The following NF1 variants were observed in gnomAD, a reference collection of about 807,000 sequenced individuals.
NF1 encodes neurofibromin 1, also known as neurofibromin.
In NF1, 122 loss-of-function variants were observed where a neutral mutation model predicts 325.7. The observed-to-expected ratio is 0.37, with a 90% CI of 0.32 to 0.44. The LOEUF (loss-of-function observed/expected upper bound fraction) is 0.44. Among genes scored for constraint, NF1 ranks in the 20% least tolerant of loss-of-function variants. The probability of loss-of-function intolerance (pLI) is 1.00; values close to 1 mark genes in which losing one functional copy is unlikely to be tolerated. For missense variants in NF1, 2,140 were observed against 3,415.4 expected (o/e 0.63, Z 9.31); for synonymous variants, 1,091 against 1,186.0 (o/e 0.92, Z 1.65).
chr17:31,318,518 G>A (rs1401966776), intron 36 of NF1: 1 of 1,613,946 alleles, frequency 6.2e-7, no homozygotes. Context: ...GATCGTCTGA[G>A]AGAAGAGACT....
In NF1 at chr17:31,226,492, C is replaced by T. The variant is rs1597712422; in HGVS notation, c.2059C>T (p.Leu687=). Residue 687 remains leucine, a synonymous_variant, in exon 18 of 58, where the codon CTA becomes TTA. Coordinates refer to ENST00000358273, the MANE Select transcript of NF1 (RefSeq NM_001042492.3). ...GATTTGCCGACAAGCCCAGACCAAACTAGAAGTGGCCCTGTACATGTTTCT... is the reference window on the plus strand; with the variant it reads ...GATTTGCCGACAAGCCCAGACCAAATTAGAAGTGGCCCTGTACATGTTTCT... ...PPICRQAQTK[L]EVALYMFLWN... 1 of 1,613,916 alleles carries T rather than the reference C, an allele frequency of 6.2e-7. No homozygotes were observed. The highest frequency in any genetic ancestry group is 1.7e-5 in the Admixed American group (1 of 60,004).
chr17:31,223,607 G>A (rs2066964944), intron 16 of NF1, 40 bp downstream of exon 16: 1 of 1,589,218 alleles, frequency 6.3e-7, no homozygotes, highest in Non-Finnish European at 8.6e-7. Flanking sequence ...AAGAATATTT[G>A]GAATGGTAAT....
At chr17:31,292,125 A>G (rs1179942120) in intron 36 of NF1, among the ~76,000 whole-genome samples, 1 of 152,214 alleles carries the variant, frequency 6.6e-6, no homozygotes, top group Non-Finnish European at 1.5e-5. Flanking sequence ...CAGTGAAATA[A>G]CTTGTCTATG....
chr17:31,255,045 T>C (rs1477075538), intron 31 of NF1, among the ~76,000 whole-genome samples: 2 of 152,222 alleles, frequency 1.3e-5, no homozygotes, highest in Non-Finnish European at 2.9e-5. Context: ...TGGCTTCTAG[T>C]ATATAGCTGT....
intron 38 of NF1, among the ~76,000 whole-genome samples, chr17:31,328,168 C>A (rs1356032789): frequency 1.3e-5 from 2 of 152,166 alleles, no homozygotes; most frequent in Admixed American, 1.3e-4. Flanking sequence ...AAGTATATCA[C>A]TATTTAGTTT....
chr17:31,211,368 G>A (rs1241727558), intron 12 of NF1, among the ~76,000 whole-genome samples: 1 of 152,126 alleles, frequency 6.6e-6, no homozygotes, highest in East Asian at 1.9e-4. Context: ...TAAATTTATT[G>A]GAATTTCTGA....
At chr17:31,127,766 C>A (rs1187709261) in intron 1 of NF1, among the ~76,000 whole-genome samples, 10 of 151,676 alleles carry the variant, frequency 6.6e-5, no homozygotes, top group Non-Finnish European at 1.0e-4. Flanking sequence ...TATCTAGATT[C>A]TTTGGGGTTA....
intron 36 of NF1, chr17:31,317,915 T>A (rs2069067830): frequency 5.6e-6 from 1 of 179,060 alleles, no homozygotes; most frequent in African/African-American, 2.4e-5. Flanking sequence ...TTAAAGCATA[T>A]ACTTGGCTTT....
At chr17:31,167,036 T>G (rs769735614) in intron 4 of NF1, among the ~76,000 whole-genome samples, 5 of 152,226 alleles carry the variant, frequency 3.3e-5, no homozygotes, top group Non-Finnish European at 7.3e-5. Flanking sequence ...AGACTACGCT[T>G]TATTTGATTT....
intron 12 of NF1, among the ~76,000 whole-genome samples, chr17:31,210,796 GTAT>G (rs1438841511): frequency 2.0e-5 from 3 of 152,006 alleles, no homozygotes; most frequent in African/African-American, 7.3e-5. Flanking sequence ...ATCTAAGATA[GTAT>G]TATTATTTTA....
chr17:31,316,339 C>CAAACAAACAGA (rs2069020454), intron 36 of NF1, among the ~76,000 whole-genome samples: 1 of 151,052 alleles, frequency 6.6e-6, no homozygotes, highest in Non-Finnish European at 1.5e-5. Flanking sequence ...GGAAACACTT[C>CAAACAAACAGA]TGTTTGTTCA....
At chr17:31,258,206 G>GA (rs1011582135) in intron 31 of NF1, 138 bp from the exon 32 acceptor site, 13 of 880,842 alleles carry the variant, frequency 1.5e-5, no homozygotes, top group East Asian at 1.3e-4. Context: ...TTTGGGAGAA[G>GA]AAAAAAATAG....
At chr17:31,200,044 G>C (rs2066498198) in intron 8 of NF1, among the ~76,000 whole-genome samples, 2 of 151,866 alleles carry the variant, frequency 1.3e-5, no homozygotes, top group African/African-American at 4.8e-5. Flanking sequence ...GCTGAGGCGG[G>C]AGAATCGCTT....
At chr17:31,291,430 A>G (rs1481591292) in intron 36 of NF1, among the ~76,000 whole-genome samples, 1 of 152,144 alleles carries the variant, frequency 6.6e-6, no homozygotes, top group Non-Finnish European at 1.5e-5. Flanking sequence ...ATTTGTTGCC[A>G]ATATCTGTTA....
At chr17:31,222,518 A>G in intron 15 of NF1, 1 of 1,026,430 alleles carries the variant, frequency 9.7e-7, no homozygotes, top group African/African-American at 1.7e-5. Context: ...TGGGTGTGCT[A>G]AGTTACTTGG....
rs368840455 is a variant in NF1, at chr17:31,304,902, T to A, written c.4836-20918T>A. On this transcript the variant is annotated intron_variant, in intron 36 of 57. Coordinates refer to ENST00000358273, the MANE Select transcript of NF1 (RefSeq NM_001042492.3). Reference sequence around the variant, plus strand: ...CAAATGGAGATCTACCTGCCCAATTTTGATCATTTAAAACTGGTTTCCTTA... The same window carrying A: ...CAAATGGAGATCTACCTGCCCAATTATGATCATTTAAAACTGGTTTCCTTA... 2.7e-5 allele frequency: 43 copies of A among 1,614,048 alleles called. No individual in the cohort carries two copies. In the Admixed American group the frequency reaches 4.0e-4, roughly 15 times the overall value.
At chr17:31,234,445 G>A (rs561134806) in intron 27 of NF1, among the ~76,000 whole-genome samples, 2 of 151,964 alleles carry the variant, frequency 1.3e-5, no homozygotes, top group East Asian at 1.9e-4. Context: ...AGGCTGAGGC[G>A]GGAGGATCAC....
At chr17:31,317,868 T>C (rs1197576218) in intron 36 of NF1, 3 of 162,678 alleles carry the variant, frequency 1.8e-5, no homozygotes, top group African/African-American at 7.2e-5. Context: ...TTTAGCTCTC[T>C]CTATCTATGC....
chr17:31,208,743 T>C (rs1307816205), intron 12 of NF1, among the ~76,000 whole-genome samples: 2 of 151,916 alleles, frequency 1.3e-5, no homozygotes, highest in Admixed American at 6.6e-5. Context: ...ATACAAAAAT[T>C]AGCCAGGCGT....
Sources: gnomAD v4.1 joint callset for allele counts (sites outside exome capture counted in the v4.1 genomes callset) on GRCh38, gnomAD v4.1.1 for gene constraint, MANE v1.5 for transcripts, NCBI Gene and HGNC (gene_info 2026-07-23, HGNC 2026-07-21) for gene names.